Variants in MAGI2 observed in about 807,000 individuals in gnomAD.
The protein encoded by MAGI2 is membrane-associated guanylate kinase, WW and PDZ domain-containing protein 2.
In MAGI2, 35 loss-of-function variants were observed where a neutral mutation model predicts 133.3. That is an observed-to-expected ratio of 0.26 (90% confidence interval 0.20 to 0.35). The LOEUF (loss-of-function observed/expected upper bound fraction) is 0.35. MAGI2 is among the 10% of genes least tolerant of loss of function. MAGI2 has a pLI of 1.00. For missense variants in MAGI2, 1,636 were observed against 1,863.4 expected (o/e 0.88, Z 2.25); for synonymous variants, 729 against 710.6 (o/e 1.03, Z -0.41).
intron 2 of MAGI2, among the ~76,000 whole-genome samples, chr7:78,873,060 C>G (rs986502784): frequency 6.6e-6 from 1 of 151,962 alleles, no homozygotes; most frequent in East Asian, 1.9e-4. Context: ...ACATCAGAGG[C>G]AAATTAGGGA....
At chr7:78,350,470 G>A (rs1486814295) in intron 7 of MAGI2, 1 of 152,242 alleles carries the variant, frequency 6.6e-6, no homozygotes, top group Non-Finnish European at 1.5e-5. Context: ...AGCTACGGCT[G>A]TGATCCCCTG....
At chr7:78,177,205 A>G (rs1220907698) in intron 14 of MAGI2, among the ~76,000 whole-genome samples, 2 of 152,074 alleles carry the variant, frequency 1.3e-5, no homozygotes, top group Non-Finnish European at 2.9e-5. Context: ...CCAGAGCCGG[A>G]TGGGATGTAG....
intron 1 of MAGI2, among the ~76,000 whole-genome samples, chr7:79,361,660 C>A (rs1338585319): frequency 6.6e-6 from 1 of 152,170 alleles, no homozygotes; most frequent in Non-Finnish European, 1.5e-5. Context: ...TCCCATAACA[C>A]ACTCACAAGA....
Position 78,998,514 on chromosome 7 carries a change from G to C in MAGI2, c.418+8576C>G, listed in dbSNP as rs936768213. The stretch of plus-strand genomic sequence containing the variant: ...TAGAACCAATGGCTTCCAATTCTTG[G>C]ATGAGTGCTCTTTTCTTAGTTTCAT... On this transcript the variant is annotated intron_variant, in intron 2 of 21. Coordinates refer to ENST00000354212, the MANE Select transcript of MAGI2 (RefSeq NM_012301.4). 1.8e-4 allele frequency among the ~76,000 whole-genome samples: 27 copies of C among 152,120 alleles called. 1 individual carries two copies. Among genetic ancestry groups the C allele is most frequent in the Admixed American group, 6.6e-5 (1 of 15,266 alleles).
At chr7:78,489,141 T>A (rs1024434709) in intron 6 of MAGI2, among the ~76,000 whole-genome samples, 1 of 152,046 alleles carries the variant, frequency 6.6e-6, no homozygotes, top group Admixed American at 6.6e-5. Flanking sequence ...ATTTATGAAT[T>A]TAAAAACAAG....
chr7:78,160,033 GA>G lies in MAGI2; in HGVS notation c.2836del (p.Ser946ProfsTer3). On this transcript the variant is annotated frameshift_variant, in exon 16 of 22. Coordinates refer to ENST00000354212, the MANE Select transcript of MAGI2 (RefSeq NM_012301.4). LOFTEE classifies it high-confidence loss of function. ...ISSLNRPESG[S>X]TITVPHKIGR... ...CAAATTTCAGCACTTACTTATAGTG[GA>G]TCCAGACTCAGGCCTGTTCAGGGAG... is the stretch of plus-strand genomic sequence containing the variant. 1 of 1,567,822 alleles carries G rather than the reference GA, an allele frequency of 6.4e-7. No homozygotes were observed. The highest frequency in any genetic ancestry group is 8.7e-7 in the Non-Finnish European group (1 of 1,154,214).
intron 2 of MAGI2, among the ~76,000 whole-genome samples, chr7:78,709,590 A>G (rs1373154579): frequency 2.6e-5 from 4 of 152,176 alleles, no homozygotes; most frequent in African/African-American, 9.6e-5. Context: ...TGAGCACCAT[A>G]TAAGCTAGAA....
chr7:79,361,327 T>G (rs562261476), intron 1 of MAGI2, among the ~76,000 whole-genome samples: 5 of 151,926 alleles, frequency 3.3e-5, no homozygotes, highest in Non-Finnish European at 7.4e-5. Context: ...CTTTAAATGA[T>G]ATGGAAGGAG....
intron 3 of MAGI2, among the ~76,000 whole-genome samples, chr7:78,522,701 A>G (rs1796611308): frequency 6.6e-6 from 1 of 152,236 alleles, no homozygotes; most frequent in South Asian, 2.1e-4. Context: ...GATATGTTCA[A>G]GGTAAAACAC....
At chr7:78,649,237 A>AAAAAAAAAAAAAAAAAAAAAAAAAAAAAG (rs1563294737) in intron 2 of MAGI2, among the ~76,000 whole-genome samples, 6 of 65,486 alleles carry the variant, frequency 9.2e-5, no homozygotes, top group Non-Finnish European at 1.4e-4. Flanking sequence ...AAAAAAAAAG[A>AAAAAAAAAAAAAAAAAAAAAAAAAAAAAG]AAAAAAAAGA....
intron 14 of MAGI2, among the ~76,000 whole-genome samples, chr7:78,172,874 C>T (rs1299070792): frequency 6.6e-6 from 1 of 152,198 alleles, no homozygotes; most frequent in Non-Finnish European, 1.5e-5. Flanking sequence ...GAGATCTTTA[C>T]AGTTTCACTC....
chr7:78,405,368 A>T (rs1797278757), intron 6 of MAGI2, among the ~76,000 whole-genome samples: 1 of 152,124 alleles, frequency 6.6e-6, no homozygotes, highest in Non-Finnish European at 1.5e-5. Context: ...TATAAGCCAG[A>T]TTTGAATGAT....
rs542154365 is a variant in MAGI2, at chr7:78,389,666, A to T, written c.1046-20453T>A. 1.7e-4 allele frequency among the ~76,000 whole-genome samples: 26 copies of T among 152,308 alleles called. No individual in the cohort carries two copies. In the South Asian group the frequency reaches 2.1e-3, roughly 12 times the overall value. ...ATGCTCTTTAATAATTAATTCAGTT[A>T]GGTATTCTTATGGTGAGAGTGTTTG... On this transcript the variant is annotated intron_variant, in intron 6 of 21. Transcript: ENST00000354212.
At chr7:78,985,068 C>A (rs1241920767) in intron 2 of MAGI2, among the ~76,000 whole-genome samples, 1 of 149,758 alleles carries the variant, frequency 6.7e-6, no homozygotes, top group Non-Finnish European at 1.5e-5. Context: ...GTGGTGTGAT[C>A]ATAGCTAACT....
At chr7:78,633,076 A>C (rs1183060350) in intron 2 of MAGI2, among the ~76,000 whole-genome samples, 1 of 152,360 alleles carries the variant, frequency 6.6e-6, no homozygotes, top group East Asian at 1.9e-4. Context: ...AATGAACGAC[A>C]GCATGTATTC....
intron 2 of MAGI2, among the ~76,000 whole-genome samples, chr7:78,772,607 C>T (rs1196984587): frequency 1.3e-5 from 2 of 152,106 alleles, no homozygotes; most frequent in African/African-American, 4.8e-5. Context: ...CCGAAATACA[C>T]CCAGTCCCCT....
chr7:79,350,898 GTT>G (rs1841643325), intron 1 of MAGI2, among the ~76,000 whole-genome samples: 1 of 152,050 alleles, frequency 6.6e-6, no homozygotes, highest in South Asian at 2.1e-4. Context: ...ATGTCCCTTT[GTT>G]TAATTGATTG....
intron 2 of MAGI2, among the ~76,000 whole-genome samples, chr7:78,652,340 A>C (rs1435090989): frequency 6.6e-6 from 1 of 151,990 alleles, no homozygotes; most frequent in East Asian, 1.9e-4. Context: ...TCTATTCAAT[A>C]CAATAATATC....
intron 3 of MAGI2, among the ~76,000 whole-genome samples, chr7:78,552,584 A>T (rs1799445250): frequency 6.6e-6 from 1 of 152,258 alleles, no homozygotes; most frequent in Non-Finnish European, 1.5e-5. Context: ...ATGAGAAACT[A>T]TACAAAGAAC....
Sources: allele counts gnomAD v4.1 joint callset (sites outside exome capture counted in the v4.1 genomes callset), GRCh38; gene constraint gnomAD v4.1.1; transcripts MANE v1.5; gene names NCBI Gene and HGNC (gene_info 2026-07-23, HGNC 2026-07-21).